Variants in KCNIP4 observed in about 807,000 individuals in gnomAD.
KCNIP4 encodes Kv channel-interacting protein 4.
Under a neutral mutation model 34.0 loss-of-function variants are expected in KCNIP4, and 12 were observed. The observed-to-expected ratio is 0.35, with a 90% confidence interval of 0.23 to 0.57. The LOEUF (loss-of-function observed/expected upper bound fraction) is 0.57. KCNIP4 is among the 20% of genes least tolerant of loss of function. KCNIP4 has a pLI of 0.83. For missense variants in KCNIP4, 238 were observed against 311.7 expected, an observed-to-expected ratio of 0.76 and a Z score of 1.78; for synonymous variants, 124 against 102.2, an observed-to-expected ratio of 1.21 and a Z score of -1.29.
intron 1 of KCNIP4, among the ~76,000 whole-genome samples, chr4:21,007,802 T>C (rs926761826): frequency 6.6e-6 from 1 of 152,188 alleles, no homozygotes; most frequent in Non-Finnish European, 1.5e-5. Context: ...GTAATCTGAC[T>C]AAGAAACCAA....
At chr4:21,469,688 T>C (rs760258918) in intron 1 of KCNIP4, among the ~76,000 whole-genome samples, 2 of 152,162 alleles carry the variant, frequency 1.3e-5, no homozygotes, top group African/African-American at 2.4e-5. Flanking sequence ...AGCATTTTTT[T>C]TCCACTGAAA....
At chr4:20,846,878 A>G (rs1247866815) in intron 3 of KCNIP4, among the ~76,000 whole-genome samples, 3 of 152,206 alleles carry the variant, frequency 2.0e-5, no homozygotes, top group Non-Finnish European at 2.9e-5. Context: ...CTAATGCTGA[A>G]GCTTTTTCCC....
chr4:21,599,062 G>T (rs10009713), intron 1 of KCNIP4, among the ~76,000 whole-genome samples: 132,860 of 152,112 alleles, frequency 0.87, 58,301 homozygotes, highest in East Asian at 0.99. Context: ...GTCAACATTC[G>T]TCAGATCTTG....
At chr4:21,798,504 G>C (rs1057028486) in intron 1 of KCNIP4, among the ~76,000 whole-genome samples, 2 of 79,448 alleles carry the variant, frequency 2.5e-5, no homozygotes, top group African/African-American at 1.1e-4. Flanking sequence ...GAGAAAGCAA[G>C]ACCCTGGGAA....
At chr4:21,190,292 G>A (rs1373409826) in intron 1 of KCNIP4, among the ~76,000 whole-genome samples, 1 of 152,126 alleles carries the variant, frequency 6.6e-6, no homozygotes, top group Non-Finnish European at 1.5e-5. Context: ...TAATGTTTTG[G>A]TTCGTTAGTA....
At chr4:21,146,258 C>T (rs867035572) in intron 1 of KCNIP4, among the ~76,000 whole-genome samples, 8 of 152,070 alleles carry the variant, frequency 5.3e-5, no homozygotes, top group Admixed American at 1.3e-4. Context: ...ATTAGCCAGG[C>T]GTGGTGGCGG....
intron 1 of KCNIP4, among the ~76,000 whole-genome samples, chr4:21,087,646 C>T (rs1391778815): frequency 6.6e-6 from 1 of 152,106 alleles, no homozygotes; most frequent in East Asian, 1.9e-4. Context: ...CCTTCACTTG[C>T]TGTCTGCATT....
intron 1 of KCNIP4, among the ~76,000 whole-genome samples, chr4:20,995,588 G>A (rs376747033): frequency 2.0e-5 from 3 of 152,216 alleles, no homozygotes; most frequent in South Asian, 4.1e-4. Context: ...TTGCCTCTCT[G>A]GTTTCAAAGA....
intron 1 of KCNIP4, among the ~76,000 whole-genome samples, chr4:21,603,885 T>G (rs1245761753): frequency 6.6e-6 from 1 of 152,146 alleles, no homozygotes; most frequent in Non-Finnish European, 1.5e-5. Flanking sequence ...TCTGAGATGC[T>G]TAAACAAATT....
intron 1 of KCNIP4, among the ~76,000 whole-genome samples, chr4:20,912,499 G>A (rs573288165): frequency 3.9e-4 from 59 of 152,104 alleles, no homozygotes; most frequent in Admixed American, 9.2e-4. Flanking sequence ...CAACTAAAGC[G>A]TAAGTAAGCA....
chr4:21,139,159 A>G (rs1190560008), intron 1 of KCNIP4, among the ~76,000 whole-genome samples: 1 of 152,106 alleles, frequency 6.6e-6, no homozygotes, highest in Non-Finnish European at 1.5e-5. Context: ...TAAGACTCTT[A>G]TTTATTTATG....
At chr4:20,758,937 C>CT (rs1560443509) in intron 3 of KCNIP4, 47 bp from the exon 4 acceptor site, 1 of 1,536,852 alleles carries the variant, frequency 6.5e-7, no homozygotes, top group East Asian at 2.3e-5. Flanking sequence ...GTTCATAAAA[C>CT]TGAATTTTTT....
intron 1 of KCNIP4, among the ~76,000 whole-genome samples, chr4:21,064,139 G>A (rs1744151218): frequency 1.3e-5 from 2 of 152,156 alleles, no homozygotes; most frequent in South Asian, 4.1e-4. Context: ...CATACTGACA[G>A]CCTTTCACTG....
At chr4:21,237,594 A>G (rs1759462003) in intron 1 of KCNIP4, among the ~76,000 whole-genome samples, 1 of 152,242 alleles carries the variant, frequency 6.6e-6, no homozygotes, top group African/African-American at 2.4e-5. Context: ...AGAGAATACT[A>G]TAAACACCTC....
intron 1 of KCNIP4, among the ~76,000 whole-genome samples, chr4:21,686,413 A>G (rs1750805682): frequency 6.6e-6 from 1 of 152,150 alleles, no homozygotes; most frequent in South Asian, 2.1e-4. Flanking sequence ...AGATGGGAAG[A>G]ACCTATAAAT....
chr4:21,754,883 C>T (rs543304102), intron 1 of KCNIP4, among the ~76,000 whole-genome samples: 1 of 152,238 alleles, frequency 6.6e-6, no homozygotes, highest in East Asian at 1.9e-4. Context: ...CACAGTGGCT[C>T]ATATCTGTAA....
intron 1 of KCNIP4, among the ~76,000 whole-genome samples, chr4:21,446,380 TC>T (rs1727990381): frequency 6.6e-6 from 1 of 151,726 alleles, no homozygotes; most frequent in Admixed American, 6.6e-5. Flanking sequence ...AACCCAAATG[TC>T]CAAAAATGAT....
chr4:21,144,081 A>G (rs767493791), intron 1 of KCNIP4, among the ~76,000 whole-genome samples: 6 of 152,182 alleles, frequency 3.9e-5, no homozygotes, highest in Admixed American at 1.3e-4. Flanking sequence ...TAAGTTGTAG[A>G]TAACTGATAA....
At chr4:21,878,967 A>G (rs1726302167) in intron 1 of KCNIP4, among the ~76,000 whole-genome samples, 1 of 152,194 alleles carries the variant, frequency 6.6e-6, no homozygotes, top group African/African-American at 2.4e-5. Flanking sequence ...AAATTCAAAG[A>G]AAAATGCAAT....
Sources: allele counts gnomAD v4.1 joint callset (sites outside exome capture counted in the v4.1 genomes callset), GRCh38; gene constraint gnomAD v4.1.1; transcripts MANE v1.5; gene names NCBI Gene and HGNC (gene_info 2026-07-23, HGNC 2026-07-21).